GALNT18: variants seen among roughly 807,000 people sequenced by gnomAD.
The protein encoded by GALNT18 is polypeptide N-acetylgalactosaminyltransferase 18.
A neutral mutation model predicts 69.5 loss-of-function variants in GALNT18; 44 were observed. The observed-to-expected ratio is 0.63, with a 90% CI of 0.50 to 0.81. GALNT18 has a LOEUF of 0.81. GALNT18 is among the 40% of genes least tolerant of loss of function. GALNT18 has a pLI of 0.00. For synonymous variants in GALNT18, 364 were observed against 318.2 expected, an observed-to-expected ratio of 1.14 and a Z score of -1.53; for missense variants, 715 against 810.0, an observed-to-expected ratio of 0.88 and a Z score of 1.42.
intron 1 of GALNT18, among the ~76,000 whole-genome samples, chr11:11,499,779 G>A (rs1856937517): frequency 2.6e-5 from 4 of 152,224 alleles, no homozygotes; most frequent in South Asian, 2.1e-4. Flanking sequence ...GACCTCTGCT[G>A]ACCCAATTTA....
At chr11:11,508,114 CAT>C (rs1384340945) in intron 1 of GALNT18, among the ~76,000 whole-genome samples, 1 of 152,190 alleles carries the variant, frequency 6.6e-6, no homozygotes, top group Non-Finnish European at 1.5e-5. Flanking sequence ...ATTATCCAAT[CAT>C]GTCCTTTATA....
intron 1 of GALNT18, among the ~76,000 whole-genome samples, chr11:11,468,787 G>A (rs992491243): frequency 6.6e-6 from 1 of 152,240 alleles, no homozygotes; most frequent in Non-Finnish European, 1.5e-5. Context: ...GTAAGCAGCT[G>A]TCACTGAAGG....
Position 11,614,412 on chromosome 11 carries a change from G to C in GALNT18, c.235+6947C>G, listed in dbSNP as rs1258907707. Reference sequence around the variant, plus strand: ...GAGGAGGAGGGAGGAGGAGCAGCAAGGCTCTTTAAACAACCAGCTCTTGAA... The same window carrying C: ...GAGGAGGAGGGAGGAGGAGCAGCAACGCTCTTTAAACAACCAGCTCTTGAA... On this transcript the variant is annotated intron_variant, in intron 1 of 10. Transcript: ENST00000227756. The surrounding 1 kb of genome is among the most constrained non-coding windows in gnomAD (Gnocchi z 5.6). Among the ~76,000 whole-genome samples, 1 of 151,742 alleles carries C rather than the reference G, an allele frequency of 6.6e-6. No individual in the cohort carries two copies. Among genetic ancestry groups the C allele is most frequent in the East Asian group, 1.9e-4 (1 of 5,168 alleles).
Position 11,605,348 on chromosome 11 carries a change from G to A in GALNT18, c.235+16011C>T, listed in dbSNP as rs1026827915. Among the ~76,000 whole-genome samples, 4 of 152,014 alleles carry A rather than the reference G, an allele frequency of 2.6e-5. No homozygotes were observed. The highest frequency in any genetic ancestry group is 2.1e-4 in the South Asian group (1 of 4,782). ...CAAGAAACACCCTCTTCTGATCTCC[G>A]GGTTGCCCTCTCTCAGCTCCCTCTC... is the stretch of plus-strand genomic sequence containing the variant. On this transcript the variant is annotated intron_variant, in intron 1 of 10. Transcript: ENST00000227756. This position sits in a 1 kb window ranked among gnomAD's most constrained non-coding sequence, Gnocchi z 4.7.
At chr11:11,455,261 C>T (rs1855900473) in intron 1 of GALNT18, among the ~76,000 whole-genome samples, 1 of 152,164 alleles carries the variant, frequency 6.6e-6, no homozygotes, top group Non-Finnish European at 1.5e-5. Context: ...GTTCCCTATC[C>T]TCATATAGCA....
chr11:11,394,638 A>G (rs1406478898), intron 3 of GALNT18, among the ~76,000 whole-genome samples: 2 of 152,248 alleles, frequency 1.3e-5, no homozygotes, highest in Non-Finnish European at 2.9e-5. Context: ...AAATAACACA[A>G]GTCATGGGCT....
chr11:11,308,487 T>C (rs940573459), intron 9 of GALNT18, among the ~76,000 whole-genome samples: 1 of 152,110 alleles, frequency 6.6e-6, no homozygotes, highest in Non-Finnish European at 1.5e-5. Flanking sequence ...TGAAGCCTCT[T>C]ATCAAACCCC....
In GALNT18 at chr11:11,387,202, C is replaced by T. The variant is rs113037483; in HGVS notation, c.596-7938G>A. ...AACCCACTGGCCCCATCTTGCTGCCCTCAGTTGCCGGTCCTTCCCTTTCCA... is the reference window on the plus strand; with the variant it reads ...AACCCACTGGCCCCATCTTGCTGCCTTCAGTTGCCGGTCCTTCCCTTTCCA... On this transcript the variant is annotated intron_variant, in intron 3 of 10. Coordinates refer to ENST00000227756, the MANE Select transcript of GALNT18 (RefSeq NM_198516.3). This position sits in a 1 kb window ranked among gnomAD's most constrained non-coding sequence, Gnocchi z 4.6. 1.2e-4 allele frequency among the ~76,000 whole-genome samples: 18 copies of T among 152,206 alleles called. No homozygotes were observed. Among genetic ancestry groups the T allele is most frequent in the Non-Finnish European group, 2.4e-4 (16 of 68,032 alleles).
intron 10 of GALNT18, among the ~76,000 whole-genome samples, chr11:11,286,895 T>G (rs2132995059): frequency 6.6e-6 from 1 of 152,196 alleles, no homozygotes; most frequent in South Asian, 2.1e-4. Context: ...CTTCTCAGGG[T>G]TTGCCATCTA....
At chr11:11,482,237 CG>C (rs956646374) in intron 1 of GALNT18, among the ~76,000 whole-genome samples, 1 of 152,222 alleles carries the variant, frequency 6.6e-6, no homozygotes, top group African/African-American at 2.4e-5. Context: ...CATGTGCAGT[CG>C]GAGGGGCCTG....
At chr11:11,578,056 G>T (rs1378088627) in intron 1 of GALNT18, among the ~76,000 whole-genome samples, 1 of 152,194 alleles carries the variant, frequency 6.6e-6, no homozygotes, top group Admixed American at 6.5e-5. Flanking sequence ...AGAGGGAATG[G>T]TTTTCTTGCC....
chr11:11,332,724 C>T lies in GALNT18; in HGVS notation c.1386G>A (p.Arg462=), dbSNP rs770471357. 4 of 1,614,164 alleles carry T rather than the reference C, an allele frequency of 2.5e-6. No homozygotes were observed. The highest frequency in any genetic ancestry group is 4.5e-5 in the East Asian group (2 of 44,876). The change falls in exon 8 of 11, where the codon AGG becomes AGA. Residue 462 remains arginine, a synonymous_variant. Transcript: ENST00000227756. This position sits in a 1 kb window ranked among gnomAD's most constrained non-coding sequence, Gnocchi z 4.3. ...WYLVSVYPEM[R]MYSDIIAYGV... Reference sequence around the variant, plus strand: ...CATAGGCAATGATGTCGGAGTACATCCTCATCTCTGGGTACACGCTGACCA... The same window carrying T: ...CATAGGCAATGATGTCGGAGTACATTCTCATCTCTGGGTACACGCTGACCA...
Position 11,541,479 on chromosome 11 carries a change from T to C in GALNT18, c.235+79880A>G, listed in dbSNP as rs1263960709. 2.6e-5 allele frequency among the ~76,000 whole-genome samples: 4 copies of C among 152,318 alleles called. No homozygotes were observed. The highest frequency in any genetic ancestry group is 1.3e-4 in the Admixed American group (2 of 15,306). On this transcript the variant is annotated intron_variant, in intron 1 of 10. Transcript: ENST00000227756. This position sits in a 1 kb window ranked among gnomAD's most constrained non-coding sequence, Gnocchi z 4.8. ...CCACCTGTAGTTGGGGTGATCTTTC[T>C]AGACCACAAACCTCGTCATGCCACT... is the stretch of plus-strand genomic sequence containing the variant.
chr11:11,597,589 T>C (rs1438159739), intron 1 of GALNT18, among the ~76,000 whole-genome samples: 1 of 152,164 alleles, frequency 6.6e-6, no homozygotes, highest in Non-Finnish European at 1.5e-5. Flanking sequence ...ATCATTTTAT[T>C]ATAATCCTTC....
chr11:11,297,975 C>T (rs992748218), intron 9 of GALNT18, among the ~76,000 whole-genome samples: 16 of 152,234 alleles, frequency 1.1e-4, no homozygotes, highest in Non-Finnish European at 2.1e-4. Flanking sequence ...CTCCTCCAGG[C>T]CAGGGGTAGG....
At position 11,620,424 on chromosome 11, in the gene GALNT18, G is replaced by C. The variant is rs1362078492; in HGVS notation, c.235+935C>G. Reference sequence around the variant, plus strand: ...GACAGCTCATTGACCAGGTCGCCTCGGGAGAGCGCCCTGCAACCCCCACCC... The same window carrying C: ...GACAGCTCATTGACCAGGTCGCCTCCGGAGAGCGCCCTGCAACCCCCACCC... On this transcript the variant is annotated intron_variant, in intron 1 of 10. Transcript: ENST00000227756. This position sits in a 1 kb window ranked among gnomAD's most constrained non-coding sequence, Gnocchi z 6.9. Among the ~76,000 whole-genome samples the C allele has an allele frequency of 6.6e-6, 1 of 152,096 alleles. No homozygotes were observed. Among genetic ancestry groups the C allele is most frequent in the Non-Finnish European group, 1.5e-5 (1 of 68,012 alleles).
rs552538147 is a variant in GALNT18 at position 11,432,214 on chromosome 11, A to G, written c.595+407T>C. Among the ~76,000 whole-genome samples the G allele has an allele frequency of 2.2e-4, 33 of 152,310 alleles. No homozygotes were observed. Among genetic ancestry groups the G allele is most frequent in the African/African-American group, 7.7e-4 (32 of 41,566 alleles). ...CATCACCACCAGCACCATCATCACC[A>G]CTGCCACTGCTAACATAACACCAGT... On this transcript the variant is annotated intron_variant, in intron 3 of 10. Coordinates refer to ENST00000227756, the MANE Select transcript of GALNT18 (RefSeq NM_198516.3). This position sits in a 1 kb window ranked among gnomAD's most constrained non-coding sequence, Gnocchi z 5.8.
intron 3 of GALNT18, among the ~76,000 whole-genome samples, chr11:11,423,509 C>T (rs974736161): frequency 1.3e-5 from 2 of 152,156 alleles, no homozygotes; most frequent in Non-Finnish European, 2.9e-5. Context: ...TCTATGCAAC[C>T]CATCTCTCCT....
At position 11,511,767 on chromosome 11, in the gene GALNT18, T is replaced by A. The variant is rs573902095; in HGVS notation, c.236-62831A>T. On this transcript the variant is annotated intron_variant, in intron 1 of 10. Transcript: ENST00000227756. This position sits in a 1 kb window ranked among gnomAD's most constrained non-coding sequence, Gnocchi z 4.9. ...GCCAGAGAGCTCTCCCAGTCTCTTT[T>A]TGCCATGTGAGGATACAATGAGAAG... 8.5e-5 allele frequency among the ~76,000 whole-genome samples: 13 copies of A among 152,246 alleles called. No homozygotes were observed. Among genetic ancestry groups the A allele is most frequent in the African/African-American group, 3.1e-4 (13 of 41,544 alleles).
Sources: allele counts gnomAD v4.1 joint callset (sites outside exome capture counted in the v4.1 genomes callset), GRCh38; gene constraint gnomAD v4.1.1; non-coding constraint Gnocchi (gnomAD v3.1); transcripts MANE v1.5; gene names NCBI Gene and HGNC (gene_info 2026-07-23, HGNC 2026-07-21).